Variants in NSMCE2 observed in about 807,000 individuals in gnomAD.
The protein encoded by NSMCE2 is E3 SUMO-protein ligase NSE2.
A neutral mutation model predicts 23.8 loss-of-function variants in NSMCE2; 24 were observed. That is an observed-to-expected ratio of 1.01 (90% CI 0.73 to 1.42). The LOEUF (loss-of-function observed/expected upper bound fraction) is 1.42, where lower values mean the gene tolerates loss of function less well. Ranked by LOEUF, NSMCE2 falls within the 40% of genes most tolerant of loss-of-function variation. The pLI is 0.00. For synonymous variants in NSMCE2, 92 were observed against 94.1 expected, an observed-to-expected ratio of 0.98 and a Z score of 0.13; for missense variants, 284 against 296.5, an observed-to-expected ratio of 0.96 and a Z score of 0.31.
intron 5 of NSMCE2, among the ~76,000 whole-genome samples, chr8:125,276,490 C>T (rs1360760112): frequency 6.6e-6 from 1 of 151,400 alleles, no homozygotes; most frequent in Non-Finnish European, 1.5e-5. Flanking sequence ...ACTTGGCCTA[C>T]CTTCCTCCTA....
At chr8:125,132,457 G>A (rs746362978) in intron 3 of NSMCE2, among the ~76,000 whole-genome samples, 1 of 151,296 alleles carries the variant, frequency 6.6e-6, no homozygotes, top group Non-Finnish European at 1.5e-5. Context: ...CTAAGGAGAG[G>A]CATGTATCTT....
At chr8:125,199,178 C>T (rs1823758010) in intron 5 of NSMCE2, among the ~76,000 whole-genome samples, 1 of 152,052 alleles carries the variant, frequency 6.6e-6, no homozygotes, top group Non-Finnish European at 1.5e-5. Context: ...TGTGTATCTC[C>T]TTCAGTTCTG....
At chr8:125,270,156 C>CT (rs1331293516) in intron 5 of NSMCE2, among the ~76,000 whole-genome samples, 1 of 152,050 alleles carries the variant, frequency 6.6e-6, no homozygotes, top group Admixed American at 6.6e-5. Flanking sequence ...TATGAACATC[C>CT]TTATATGACT....
At chr8:125,150,426 CTTTTTTTTTTTTTTT>C (rs71295819) in intron 3 of NSMCE2, among the ~76,000 whole-genome samples, 2 of 61,848 alleles carry the variant, frequency 3.2e-5, no homozygotes, top group African/African-American at 1.5e-4. Context: ...TTCTTTCTTT[CTTTTTTTTTTTTTTT>C]TTTTTTTTTT....
intron 3 of NSMCE2, among the ~76,000 whole-genome samples, chr8:125,129,172 G>A (rs1335632935): frequency 2.0e-5 from 3 of 152,134 alleles, no homozygotes; most frequent in Admixed American, 1.3e-4. Context: ...TAGGTGGGGA[G>A]GGAATACGTG....
intron 3 of NSMCE2, among the ~76,000 whole-genome samples, chr8:125,108,930 A>G (rs1451011709): frequency 1.3e-5 from 2 of 152,220 alleles, no homozygotes; most frequent in Non-Finnish European, 2.9e-5. Flanking sequence ...GAACCTTATC[A>G]TTGGAAGGTT....
At chr8:125,204,729 TGTCTAGTCCCATTCCTAAAA>T (rs1275096724) in intron 5 of NSMCE2, among the ~76,000 whole-genome samples, 4 of 152,330 alleles carry the variant, frequency 2.6e-5, no homozygotes, top group Admixed American at 1.3e-4. Flanking sequence ...TAAGATACGC[TGTCTAGTCCCATTCCTAAAA>T]GTCTAGTCCC....
chr8:125,329,582 A>G (rs966416296), intron 5 of NSMCE2, among the ~76,000 whole-genome samples: 2 of 152,174 alleles, frequency 1.3e-5, no homozygotes, highest in African/African-American at 2.4e-5. Context: ...GTCCTCAGCA[A>G]CACACCTGTC....
intron 5 of NSMCE2, among the ~76,000 whole-genome samples, chr8:125,234,187 C>T (rs572013274): frequency 5.3e-4 from 80 of 151,890 alleles, no homozygotes; most frequent in South Asian, 3.1e-3. Flanking sequence ...AGCGAGACTC[C>T]GTCTCAAAAA....
chr8:125,165,009 T>C (rs1050579719), intron 4 of NSMCE2, among the ~76,000 whole-genome samples: 6 of 152,210 alleles, frequency 3.9e-5, no homozygotes, highest in African/African-American at 1.4e-4. Flanking sequence ...GGTCTGTATG[T>C]GGCATTACAT....
intron 5 of NSMCE2, among the ~76,000 whole-genome samples, chr8:125,196,283 A>G (rs1394951217): frequency 6.7e-6 from 1 of 148,852 alleles, no homozygotes; most frequent in Non-Finnish European, 1.5e-5. Context: ...TACATGTGCC[A>G]TGTTGGTTTG....
chr8:125,289,974 A>G (rs11990560), intron 5 of NSMCE2, among the ~76,000 whole-genome samples: 4,641 of 152,314 alleles, frequency 0.03, 213 homozygotes, highest in African/African-American at 0.1. Context: ...TGGTGTACAC[A>G]TGTGATAGTG....
intron 1 of NSMCE2, among the ~76,000 whole-genome samples, chr8:125,093,150 C>T (rs748021524): frequency 1.3e-5 from 2 of 152,136 alleles, no homozygotes; most frequent in African/African-American, 2.4e-5. Flanking sequence ...CTCACAGTTC[C>T]GGGGCCTGTT....
At chr8:125,365,064 C>T (rs1197845465) in intron 7 of NSMCE2, among the ~76,000 whole-genome samples, 1 of 152,114 alleles carries the variant, frequency 6.6e-6, no homozygotes, top group Admixed American at 6.6e-5. Context: ...TTGTTTCCAC[C>T]CCTTTGTGGG....
intron 5 of NSMCE2, among the ~76,000 whole-genome samples, chr8:125,274,640 C>T (rs1827367579): frequency 6.6e-6 from 1 of 152,040 alleles, no homozygotes; most frequent in Admixed American, 6.6e-5. Context: ...TAGTAAGTAA[C>T]TATTTGTGGC....
intron 5 of NSMCE2, among the ~76,000 whole-genome samples, chr8:125,316,584 TTTC>T (rs1360690129): frequency 6.6e-6 from 1 of 151,974 alleles, no homozygotes; most frequent in East Asian, 1.9e-4. Flanking sequence ...CTTTCTTTCT[TTTC>T]TTTTCTTTCT....
intron 5 of NSMCE2, chr8:125,182,731 G>A (rs1436835520): frequency 6.1e-6 from 1 of 164,010 alleles, no homozygotes; most frequent in Non-Finnish European, 1.3e-5. Flanking sequence ...ATCCATTTTA[G>A]CATTGTGGTA....
At position 125,367,114 on chromosome 8, in the gene NSMCE2, A is replaced by G. The variant is rs1734258227; in HGVS notation, c.*229A>G. 1 of 432,044 alleles carries G rather than the reference A, an allele frequency of 2.3e-6. No homozygotes were observed. Among genetic ancestry groups the G allele is most frequent in the Admixed American group, 3.6e-5 (1 of 27,538 alleles). 26.8% of individuals were successfully genotyped at this position (432,044 alleles called of 1,614,324 possible). A position where few individuals can be genotyped will look rare whatever the true frequency, so the allele number is the denominator to read the frequency against. ...TATAATGTTAAATAAAACTTTGATC[A>G]TCTGCAGTGTCCTCCCTGCATGCCT... On this transcript the variant is annotated 3_prime_UTR_variant, in exon 8 of 8. Coordinates refer to ENST00000287437, the MANE Select transcript of NSMCE2 (RefSeq NM_173685.4).
At chr8:125,181,453 A>G (rs190921098) in intron 4 of NSMCE2, among the ~76,000 whole-genome samples, 1 of 152,318 alleles carries the variant, frequency 6.6e-6, no homozygotes, top group East Asian at 1.9e-4. Flanking sequence ...TGTGGCACCT[A>G]GGAAGTAGAT....
Sources: gnomAD v4.1 joint callset for allele counts (sites outside exome capture counted in the v4.1 genomes callset) on GRCh38, gnomAD v4.1.1 for gene constraint, MANE v1.5 for transcripts, NCBI Gene and HGNC (gene_info 2026-07-23, HGNC 2026-07-21) for gene names.